The following TEF variants were observed in gnomAD, a reference collection of about 807,000 sequenced individuals.
TEF encodes the protein TEF transcription factor, PAR bZIP family member.
A neutral mutation model predicts 20.8 loss-of-function variants in TEF; 3 were observed. The observed-to-expected ratio is 0.14, with a 90% CI of 0.07 to 0.37. The LOEUF (loss-of-function observed/expected upper bound fraction) is 0.37, where lower values mean the gene tolerates loss of function less well. Ranked by LOEUF, TEF falls within the 10% of genes least tolerant of loss-of-function variation. TEF has a pLI of 1.00. For synonymous variants in TEF, 180 were observed against 171.1 expected, an observed-to-expected ratio of 1.05 and a Z score of -0.41; for missense variants, 296 against 397.9, an observed-to-expected ratio of 0.74 and a Z score of 2.18.
chr22:41,374,890 G>A (rs1244745061), intron 1 of TEF, among the ~76,000 whole-genome samples: 1 of 152,012 alleles, frequency 6.6e-6, no homozygotes, highest in Non-Finnish European at 1.5e-5. Context: ...AGGGGAGGCA[G>A]GAGAGGCAGG....
intron 1 of TEF, among the ~76,000 whole-genome samples, chr22:41,374,289 G>A (rs2036914754): frequency 6.6e-6 from 1 of 151,922 alleles, no homozygotes; most frequent in African/African-American, 2.4e-5. Flanking sequence ...GGTGGCTCAC[G>A]CCTGTAATCC....
upstream of TEF, chr22:41,381,847 G>A (rs2037028839): frequency 1.7e-6 from 2 of 1,210,692 alleles, no homozygotes; most frequent in Non-Finnish European, 2.1e-6. Context: ...ACGATCCGGG[G>A]AAGCTGGCCT....
intron 1 of TEF, chr22:41,369,094 A>G (rs1460956134): frequency 9.1e-6 from 9 of 985,240 alleles, no homozygotes; most frequent in Non-Finnish European, 1.1e-5. Context: ...GCCCCCCAGC[A>G]CACACATGAA....
At chr22:41,383,728 T>C (rs1330872052) in intron 1 of TEF, among the ~76,000 whole-genome samples, 2 of 152,264 alleles carry the variant, frequency 1.3e-5, no homozygotes, top group Non-Finnish European at 2.9e-5. Flanking sequence ...AAAACACTGA[T>C]TTAAAGTATC....
chr22:41,370,878 T>C (rs2036876059), intron 1 of TEF, among the ~76,000 whole-genome samples: 1 of 152,200 alleles, frequency 6.6e-6, no homozygotes, highest in Non-Finnish European at 1.5e-5. Context: ...CCAGACTCCC[T>C]TGGCTTCCAA....
upstream of TEF, chr22:41,381,842 C>A (rs1215336594): frequency 8.3e-7 from 1 of 1,204,444 alleles, no homozygotes; most frequent in East Asian, 3.2e-5. Flanking sequence ...GAGCAACGAT[C>A]CGGGGAAGCT....
At position 41,397,702 on chromosome 22, in the gene TEF, C is replaced by T. The variant is rs1453866754; in HGVS notation, c.*1742C>T. 6.6e-6 allele frequency: 1 copy of T among 152,256 alleles called. No individual in the cohort carries two copies. Among genetic ancestry groups the T allele is most frequent in the African/African-American group, 2.4e-5 (1 of 41,458 alleles). 9.4% of individuals were successfully genotyped at this position (152,256 alleles called of 1,614,324 possible). On this transcript the variant is annotated 3_prime_UTR_variant, in exon 4 of 4. Coordinates refer to ENST00000266304, the MANE Select transcript of TEF (RefSeq NM_003216.4). ...CTTTTACTTTGTGGTTCTCTAAAAACCATGTACACACTTTCACTCTATTGT... is the reference window on the plus strand; with the variant it reads ...CTTTTACTTTGTGGTTCTCTAAAAATCATGTACACACTTTCACTCTATTGT...
Position 41,394,090 on chromosome 22 carries a change from T to A in TEF, c.476-6T>A, listed in dbSNP as rs1487727342. 6.2e-7 allele frequency: 1 copy of A among 1,613,734 alleles called. No homozygotes were observed. The highest frequency in any genetic ancestry group is 2.2e-5 in the East Asian group (1 of 44,864). The stretch of plus-strand genomic sequence containing the variant: ...CTTCGGGACCACCTGTCTCTGTGTC[T>A]TTTAGAATCTTCCCTGGAGAAGGAG... On this transcript the variant is annotated splice_polypyrimidine_tract_variant and splice_region_variant and intron_variant, in intron 2 of 3. Transcript: ENST00000266304.
rs2037220271 is a variant in TEF, at chr22:41,395,786, A to T, written c.738A>T (p.Ala246=). The T allele has an allele frequency of 6.2e-7, 1 of 1,614,070 alleles. No individual in the cohort carries two copies. ...YWTRRKKNNV[A]AKRSRDARRL... is the part of the protein sequence containing the mutation. ...CAAGACGCAAGAAGAACAACGTGGC[A>T]GCTAAACGGTCACGGGATGCCCGGC... Residue 246 remains alanine, a synonymous_variant, in exon 4 of 4, where the codon GCA becomes GCT. Coordinates refer to ENST00000266304, the MANE Select transcript of TEF (RefSeq NM_003216.4).
intron 1 of TEF, among the ~76,000 whole-genome samples, chr22:41,385,361 A>T (rs1011593413): frequency 1.3e-5 from 2 of 152,026 alleles, no homozygotes; most frequent in South Asian, 4.1e-4. Flanking sequence ...ACTCCTTCTC[A>T]TAAAAAAAAA....
intron 3 of TEF, among the ~76,000 whole-genome samples, chr22:41,394,990 TTTTGTTTTG>T (rs1401826012): frequency 6.6e-6 from 1 of 151,948 alleles, no homozygotes; most frequent in Non-Finnish European, 1.5e-5. Flanking sequence ...AGGCACTGAT[TTTTGTTTTG>T]TTTGTTTTTG....
upstream of TEF, among the ~76,000 whole-genome samples, chr22:41,381,293 T>TCCCTCCCTTC (rs1184236697): frequency 1.5e-4 from 22 of 151,594 alleles, 1 homozygote; most frequent in Admixed American, 3.3e-4. Flanking sequence ...AAAAGACCCG[T>TCCCTCCCTTC]CCCTCCCTTC....
intron 1 of TEF, among the ~76,000 whole-genome samples, chr22:41,370,765 T>G (rs2036874853): frequency 6.6e-6 from 1 of 152,112 alleles, no homozygotes; most frequent in South Asian, 2.1e-4. Flanking sequence ...TTGGGGTCCC[T>G]CTCCCTCGTG....
At chr22:41,381,445 A>T (rs952072998), upstream of TEF, among the ~76,000 whole-genome samples, 1 of 151,792 alleles carries the variant, frequency 6.6e-6, no homozygotes, top group Admixed American at 6.5e-5. Context: ...GCTCCACGTG[A>T]CCCGCGGGGG....
At chr22:41,385,012 C>T (rs1300699452) in intron 1 of TEF, among the ~76,000 whole-genome samples, 1 of 152,158 alleles carries the variant, frequency 6.6e-6, no homozygotes, top group African/African-American at 2.4e-5. Flanking sequence ...GCCTCGGACT[C>T]CCAAAGTGCT....
chr22:41,371,532 A>G (rs143822453), intron 1 of TEF, among the ~76,000 whole-genome samples: 4 of 152,340 alleles, frequency 2.6e-5, no homozygotes, highest in Non-Finnish European at 4.4e-5. Context: ...AAAGCGGAAA[A>G]GAATATCTGT....
intron 2 of TEF, among the ~76,000 whole-genome samples, chr22:41,392,474 G>A (rs1379532887): frequency 6.7e-6 from 1 of 149,324 alleles, no homozygotes; most frequent in Non-Finnish European, 1.5e-5. Context: ...AGGAGATTGA[G>A]ACCATCCTGG....
chr22:41,369,646 T>G (rs1383524605), intron 1 of TEF, among the ~76,000 whole-genome samples: 1 of 152,172 alleles, frequency 6.6e-6, no homozygotes, highest in African/African-American at 2.4e-5. Context: ...TGAAAAGCAA[T>G]AGACCTTGTT....
rs1268966046 is a variant in TEF at position 41,396,038 on chromosome 22, C to T, written c.*78C>T. On this transcript the variant is annotated 3_prime_UTR_variant, in exon 4 of 4. Coordinates refer to ENST00000266304, the MANE Select transcript of TEF (RefSeq NM_003216.4). The stretch of plus-strand genomic sequence containing the variant: ...GGGGCTCCCTGTAACCCCTCACACG[C>T]GTGGAGACTTATGACTCGTCGTGGG... 8.1e-6 allele frequency: 12 copies of T among 1,473,802 alleles called. No homozygotes were observed. The East Asian group carries it at 9.2e-5, about 11-fold the overall frequency. The allele number at this position is 1,473,802 out of a possible 1,614,324, so 91.3% of individuals were successfully genotyped here.
Sources: gnomAD v4.1 joint callset for allele counts (sites outside exome capture counted in the v4.1 genomes callset) on GRCh38, gnomAD v4.1.1 for gene constraint, MANE v1.5 for transcripts, NCBI Gene and HGNC (gene_info 2026-07-23, HGNC 2026-07-21) for gene names.